The following MYOM3 variants were observed in gnomAD, a reference collection of about 807,000 sequenced individuals.
MYOM3 encodes myomesin-3.
MYOM3 carries 155 observed loss-of-function variants against 191.7 expected under a neutral mutation model. That is an observed-to-expected ratio of 0.81 (90% CI 0.71 to 0.92). MYOM3 has a LOEUF of 0.92. Among genes scored for constraint, MYOM3 ranks in the 40% least tolerant of loss-of-function variants. MYOM3 has a pLI of 0.00. For synonymous variants in MYOM3, 757 were observed against 762.9 expected (o/e 0.99, Z 0.13); for missense variants, 1,889 against 1,890.6 (o/e 1.00, Z 0.02).
At chr1:24,109,129 G>T (rs1363446357) in intron 1 of MYOM3, among the ~76,000 whole-genome samples, 1 of 152,148 alleles carries the variant, frequency 6.6e-6, no homozygotes, top group Non-Finnish European at 1.5e-5. Context: ...CTTTGCCCAC[G>T]CTGGTTTCCT....
chr1:24,061,828 G>T, intron 33 of MYOM3, 118 bp downstream of exon 33: 1 of 1,114,960 alleles, frequency 9.0e-7, no homozygotes, highest in Non-Finnish European at 1.3e-6. Context: ...CAGAGCTCAA[G>T]CGATCCTCCC....
chr1:24,063,606 A>T lies in MYOM3; in HGVS notation c.3623-76T>A. The T allele has an allele frequency of 6.4e-7, 1 of 1,559,630 alleles. No individual in the cohort carries two copies. Among genetic ancestry groups the T allele is most frequent in the Non-Finnish European group, 8.8e-7 (1 of 1,133,170 alleles). Reference sequence around the variant, plus strand: ...TGTGCTAGGAGTGGGGACATCCTAGAAAAAGGCTGGTGGAGCCCGTGAGCT... The same window carrying T: ...TGTGCTAGGAGTGGGGACATCCTAGTAAAAGGCTGGTGGAGCCCGTGAGCT... On this transcript the variant is annotated intron_variant, in intron 30 of 36. Coordinates refer to ENST00000374434, the MANE Select transcript of MYOM3 (RefSeq NM_152372.4). This position sits in a 1 kb window ranked among gnomAD's most constrained non-coding sequence, Gnocchi z 4.5.
chr1:24,084,764 C>T (rs1238735923), intron 15 of MYOM3, 125 bp from the exon 16 acceptor site: 1 of 877,538 alleles, frequency 1.1e-6, no homozygotes, highest in African/African-American at 1.7e-5. Context: ...GCATGAATTC[C>T]TGACCTGCTG....
intron 5 of MYOM3, among the ~76,000 whole-genome samples, chr1:24,104,636 C>T (rs1185746457): frequency 1.3e-5 from 2 of 152,110 alleles, no homozygotes; most frequent in African/African-American, 2.4e-5. Context: ...CCACCATACC[C>T]AGCTAATTTT....
chr1:24,110,145 C>T (rs1365056245), intron 1 of MYOM3, among the ~76,000 whole-genome samples: 30 of 152,234 alleles, frequency 2.0e-4, no homozygotes, highest in Admixed American at 1.8e-3. Flanking sequence ...GCTAAAATCC[C>T]TGGAATGGCT....
At chr1:24,071,495 GGCATTGGATC>G (rs1643531765) in intron 24 of MYOM3, among the ~76,000 whole-genome samples, 2 of 152,142 alleles carry the variant, frequency 1.3e-5, no homozygotes, top group South Asian at 4.1e-4. Context: ...AACCTGGCAG[GGCATTGGATC>G]CCAGACGACT....
chr1:24,082,718 G>A lies in MYOM3; in HGVS notation c.1971-4C>T. The A allele has an allele frequency of 1.3e-6, 2 of 1,595,032 alleles. No individual in the cohort carries two copies. Among genetic ancestry groups the A allele is most frequent in the Non-Finnish European group, 8.5e-7 (1 of 1,173,068 alleles). Reference sequence around the variant, plus strand: ...CCTCAGCCCGGGAACTGTAAACCTGGGAGAGAAATGTGCAGCTTTCATGGA... The same window carrying A: ...CCTCAGCCCGGGAACTGTAAACCTGAGAGAGAAATGTGCAGCTTTCATGGA... On this transcript the variant is annotated splice_polypyrimidine_tract_variant and splice_region_variant and intron_variant, in intron 16 of 36. Coordinates refer to ENST00000374434, the MANE Select transcript of MYOM3 (RefSeq NM_152372.4).
chr1:24,099,538 A>G (rs1643896819), intron 6 of MYOM3, 142 bp downstream of exon 6: 1 of 629,620 alleles, frequency 1.6e-6, no homozygotes, highest in South Asian at 1.9e-5. Flanking sequence ...TGTCCCAGGA[A>G]TCGGTATTTT....
chr1:24,089,218 C>T (rs1337553311), intron 14 of MYOM3, among the ~76,000 whole-genome samples: 1 of 152,170 alleles, frequency 6.6e-6, no homozygotes, highest in Non-Finnish European at 1.5e-5. Flanking sequence ...AATGTGTGGT[C>T]TGATGCCATC....
intron 17 of MYOM3, 177 bp from the exon 18 acceptor site, chr1:24,082,365 T>A: frequency 1.2e-6 from 1 of 847,966 alleles, no homozygotes; most frequent in Non-Finnish European, 1.8e-6. Flanking sequence ...GGTTTCTGGG[T>A]CTGAGGGCTT....
At position 24,074,167 on chromosome 1, in the gene MYOM3, G is replaced by T. The variant is rs199972988; in HGVS notation, c.2961C>A (p.Thr987=). The change falls in exon 23 of 37, where the codon ACC becomes ACA. Residue 987 remains threonine (T), a synonymous_variant. Coordinates refer to ENST00000374434, the MANE Select transcript of MYOM3 (RefSeq NM_152372.4). Reference sequence around the variant, plus strand: ...GCGGGGTAGGTGCATTACCTTCCTCGGTTAGCGTGTGGCTTGCGGAGATGT... The same window carrying T: ...GCGGGGTAGGTGCATTACCTTCCTCTGTTAGCGTGTGGCTTGCGGAGATGT... ...DEDISASHTL[T]EEELEKLKKL... 3.1e-6 allele frequency: 5 copies of T among 1,613,118 alleles called. No individual in the cohort carries two copies. Among genetic ancestry groups the T allele is most frequent in the Non-Finnish European group, 4.2e-6 (5 of 1,179,192 alleles).
chr1:24,088,478 G>A (rs796922040), intron 14 of MYOM3, among the ~76,000 whole-genome samples: 9 of 152,170 alleles, frequency 5.9e-5, no homozygotes, highest in Admixed American at 2.6e-4. Context: ...CCAAGGTCAC[G>A]CAGCTGGTAA....
intron 32 of MYOM3, among the ~76,000 whole-genome samples, chr1:24,062,627 A>G (rs1299028687): frequency 6.6e-6 from 1 of 152,136 alleles, no homozygotes; most frequent in Non-Finnish European, 1.5e-5. Context: ...TACCTCATCT[A>G]TCCTGCCTTC....
intron 25 of MYOM3, 22 bp from the exon 26 acceptor site, chr1:24,068,389 G>A: frequency 6.2e-7 from 1 of 1,613,900 alleles, no homozygotes; most frequent in South Asian, 1.1e-5. Context: ...AAACTCCAGA[G>A]TCCTTTTCCC....
At chr1:24,062,975 CTG>C (rs1643390006) in intron 32 of MYOM3, 149 bp downstream of exon 32, 4 of 602,702 alleles carry the variant, frequency 6.6e-6, no homozygotes, top group East Asian at 2.8e-5. Flanking sequence ...GGAAGAGACT[CTG>C]TCTCTGCTAA....
Position 24,075,329 on chromosome 1 carries a change from T to C in MYOM3, c.2848A>G (p.Lys950Glu). The change falls in exon 22 of 37, where the codon AAA (lysine) becomes GAA (glutamate). Residue 950 changes from lysine (K) to glutamate (E), a missense_variant. Transcript: ENST00000374434. ...LDPQRVKIED[K>E]VNKSKVILKE... ...TCTCGCCTCACTTACTTGTTAACTT[T>C]ATCCTCGATCTTGACCCTCTGGGGG... The C allele has an allele frequency of 1.2e-6, 2 of 1,612,304 alleles. No individual in the cohort carries two copies. Among genetic ancestry groups the C allele is most frequent in the Non-Finnish European group, 1.7e-6 (2 of 1,179,880 alleles).
intron 33 of MYOM3, among the ~76,000 whole-genome samples, chr1:24,061,584 T>C (rs72877646): frequency 0.01 from 1,545 of 152,298 alleles, 25 homozygotes; most frequent in African/African-American, 0.032. Flanking sequence ...TTTATTATTA[T>C]TCTTTTATTT....
intron 21 of MYOM3, among the ~76,000 whole-genome samples, chr1:24,075,800 C>T (rs1643591685): frequency 6.6e-6 from 1 of 152,216 alleles, no homozygotes; most frequent in African/African-American, 2.4e-5. Context: ...CCCACCCCTA[C>T]ATTAGAGCAG....
intron 35 of MYOM3, 66 bp downstream of exon 35, chr1:24,060,994 G>A: frequency 6.3e-7 from 1 of 1,592,860 alleles, no homozygotes; most frequent in Admixed American, 1.7e-5. Flanking sequence ...CACCAAGAGG[G>A]TTGAGCTTCC....
Sources: gnomAD v4.1 joint callset for allele counts (sites outside exome capture counted in the v4.1 genomes callset) on GRCh38, gnomAD v4.1.1 for gene constraint, Gnocchi (gnomAD v3.1) non-coding constraint, MANE v1.5 for transcripts, NCBI Gene and HGNC (gene_info 2026-07-23, HGNC 2026-07-21) for gene names.